The following SAMSN1 variants were observed in gnomAD, a reference collection of about 807,000 sequenced individuals.
SAMSN1 encodes SAM domain-containing protein SAMSN-1.
In SAMSN1, 31 loss-of-function variants were observed where a neutral mutation model predicts 42.0. The ratio of observed to expected loss-of-function variants is 0.74; its 90% CI spans 0.55 to 1.00. SAMSN1 has a LOEUF of 1.00. Among genes scored for constraint, SAMSN1 ranks in the 50% least tolerant of loss-of-function variants. SAMSN1 has a pLI of 0.00. For missense variants in SAMSN1, 464 were observed against 439.4 expected (o/e 1.06, Z -0.50); for synonymous variants, 178 against 151.9 (o/e 1.17, Z -1.26).
At chr21:14,577,238 G>GCATATA (rs1555838740) in intron 2 of SAMSN1, among the ~76,000 whole-genome samples, 2 of 28,190 alleles carry the variant, frequency 7.1e-5, no homozygotes, top group East Asian at 2.0e-3. Context: ...ATATATGTGT[G>GCATATA]TATATATATA....
intron 2 of SAMSN1, among the ~76,000 whole-genome samples, chr21:14,566,497 G>T (rs1159841195): frequency 6.6e-6 from 1 of 151,768 alleles, no homozygotes; most frequent in Non-Finnish European, 1.5e-5. Flanking sequence ...GCAGGGGGAG[G>T]TTGGCCCATA....
chr21:14,549,688 C>G (rs1980536788), upstream of SAMSN1, among the ~76,000 whole-genome samples: 1 of 152,048 alleles, frequency 6.6e-6, no homozygotes. Context: ...TAAGAATAAT[C>G]ATTTTATAGA....
At chr21:14,527,140 A>T (rs138579047) in intron 1 of SAMSN1, among the ~76,000 whole-genome samples, 83 of 152,346 alleles carry the variant, frequency 5.4e-4, no homozygotes, top group African/African-American at 1.9e-3. Context: ...AATATTGCAC[A>T]AAGAACGTTG....
exon 2 of SAMSN1, chr21:14,582,244 A>G (rs1408526678): frequency 8.4e-6 from 13 of 1,550,808 alleles, no homozygotes; most frequent in Non-Finnish European, 1.0e-5. Flanking sequence ...GGAAATCAAG[A>G]CATGTCCAGA....
At chr21:14,604,291 T>G (rs1198873896) in intron 5 of SAMSN1, among the ~76,000 whole-genome samples, 1 of 152,220 alleles carries the variant, frequency 6.6e-6, no homozygotes, top group Non-Finnish European at 1.5e-5. Flanking sequence ...TTTTGCAAAG[T>G]GACTTTCCCA....
intron 2 of SAMSN1, among the ~76,000 whole-genome samples, chr21:14,627,182 T>C (rs142919741): frequency 6.6e-6 from 1 of 151,930 alleles, no homozygotes; most frequent in East Asian, 1.9e-4. Context: ...ATGTAAATGA[T>C]GAGTTAATGG....
At chr21:14,598,946 C>T (rs904735815) in intron 6 of SAMSN1, among the ~76,000 whole-genome samples, 2 of 152,234 alleles carry the variant, frequency 1.3e-5, no homozygotes, top group South Asian at 4.1e-4. Flanking sequence ...AGAAATTCTA[C>T]AATGAATTTA....
At chr21:14,640,712 A>G in intron 2 of SAMSN1, among the ~76,000 whole-genome samples, 1 of 152,116 alleles carries the variant, frequency 6.6e-6, no homozygotes, top group East Asian at 1.9e-4. Context: ...AATAATTTTC[A>G]TTCGGAATAT....
At chr21:14,565,403 A>G (rs1392645506) in intron 2 of SAMSN1, among the ~76,000 whole-genome samples, 4 of 152,106 alleles carry the variant, frequency 2.6e-5, no homozygotes, top group African/African-American at 9.7e-5. Flanking sequence ...TTACACCAGG[A>G]GTCATGCTGA....
Position 14,500,735 on chromosome 21 carries a change from T to G in SAMSN1, c.562A>C (p.Lys188Gln). Residue 188 changes from lysine (K) to glutamine (Q), a missense_variant and splice_region_variant, in exon 6 of 8, where the codon AAA (lysine) becomes CAA (glutamine). Coordinates refer to ENST00000400566, the MANE Select transcript of SAMSN1 (RefSeq NM_022136.5). ...CAAATAATGTCTATGATGTCTCCTT[T>G]CTAAGGGCAAAGAAATCCATACACA... ...PYDTDSLKIK[K>Q]GDIIDIICKT... The G allele has an allele frequency of 2.5e-6, 4 of 1,610,336 alleles. No individual in the cohort carries two copies. The highest frequency in any genetic ancestry group is 2.5e-6 in the Non-Finnish European group (3 of 1,176,598).
At chr21:14,558,251 A>C (rs1186840659) in intron 2 of SAMSN1, among the ~76,000 whole-genome samples, 1 of 152,126 alleles carries the variant, frequency 6.6e-6, no homozygotes, top group African/African-American at 2.4e-5. Flanking sequence ...AAGTAACAGG[A>C]TTAAAATTGC....
intron 6 of SAMSN1, among the ~76,000 whole-genome samples, chr21:14,499,491 C>CAAAAAAAAA (rs11301197): frequency 7.5e-6 from 1 of 133,836 alleles, no homozygotes; most frequent in Non-Finnish European, 1.6e-5. Context: ...CCCTTTTTAA[C>CAAAAAAAAA]AAAAAAAAAA....
chr21:14,605,807 G>GATTTATTTATTT (rs567638495), intron 5 of SAMSN1, among the ~76,000 whole-genome samples: 60 of 144,056 alleles, frequency 4.2e-4, no homozygotes, highest in Admixed American at 1.4e-3. Context: ...ATGTAAAGAA[G>GATTTATTTATTT]ATTTATTTAT....
intron 2 of SAMSN1, among the ~76,000 whole-genome samples, chr21:14,557,200 T>C (rs943471698): frequency 1.3e-5 from 2 of 152,136 alleles, no homozygotes; most frequent in African/African-American, 4.8e-5. Context: ...GGAGGAGTGA[T>C]GTAGAGTTGA....
In SAMSN1 at chr21:14,500,646, A is replaced by G; in HGVS notation, c.651T>C (p.Ile217=). ...LNNKVGNFKF[I]YVDVISEEEA... ...CCTCTTCTGAGATGACATCCACATA[A>G]ATGAATTTGAAGTTTCCCACTTTAT... Residue 217 remains isoleucine, a synonymous_variant, in exon 6 of 8, where the codon ATT becomes ATC. Coordinates refer to ENST00000400566, the MANE Select transcript of SAMSN1 (RefSeq NM_022136.5). The G allele has an allele frequency of 1.2e-6, 2 of 1,614,046 alleles. No individual in the cohort carries two copies. The highest frequency in any genetic ancestry group is 1.7e-6 in the Non-Finnish European group (2 of 1,179,950).
At chr21:14,538,264 A>T (rs1212567142) in intron 1 of SAMSN1, among the ~76,000 whole-genome samples, 2 of 152,134 alleles carry the variant, frequency 1.3e-5, no homozygotes, top group African/African-American at 4.8e-5. Flanking sequence ...ATTCCAGAAA[A>T]CTCTGTTTGA....
intron 1 of SAMSN1, among the ~76,000 whole-genome samples, chr21:14,530,794 C>A (rs937963350): frequency 1.3e-5 from 2 of 152,058 alleles, no homozygotes; most frequent in Non-Finnish European, 2.9e-5. Context: ...ACTGCATTTG[C>A]CACCTCTACT....
At chr21:14,555,125 C>T (rs1407685859) in intron 2 of SAMSN1, among the ~76,000 whole-genome samples, 1 of 152,170 alleles carries the variant, frequency 6.6e-6, no homozygotes, top group Non-Finnish European at 1.5e-5. Flanking sequence ...AAGTAGTTTC[C>T]TTGCTGCCTT....
At chr21:14,545,322 A>G (rs1980318619) in intron 1 of SAMSN1, among the ~76,000 whole-genome samples, 3 of 152,174 alleles carry the variant, frequency 2.0e-5, no homozygotes, top group South Asian at 4.1e-4. Flanking sequence ...TGCCTAACAT[A>G]TAAAGACTGA....
Sources: allele counts gnomAD v4.1 joint callset (sites outside exome capture counted in the v4.1 genomes callset), GRCh38; gene constraint gnomAD v4.1.1; transcripts MANE v1.5; gene names NCBI Gene and HGNC (gene_info 2026-07-23, HGNC 2026-07-21).